The following FBXW8 variants were observed in gnomAD, a reference collection of about 807,000 sequenced individuals.
The protein encoded by FBXW8 is F-box and WD repeat domain containing 8, also known as F-box/WD repeat-containing protein 8.
In FBXW8, 57 loss-of-function variants were observed where a neutral mutation model predicts 65.3. The ratio of observed to expected loss-of-function variants is 0.87; its 90% CI spans 0.71 to 1.09. The LOEUF (loss-of-function observed/expected upper bound fraction) is 1.09, where lower values mean the gene tolerates loss of function less well. FBXW8 is among the 50% of genes least tolerant of loss of function. The pLI is 0.00. For synonymous variants in FBXW8, 308 were observed against 330.2 expected, an observed-to-expected ratio of 0.93 and a Z score of 0.73; for missense variants, 777 against 814.8, an observed-to-expected ratio of 0.95 and a Z score of 0.57.
intron 1 of FBXW8, among the ~76,000 whole-genome samples, chr12:116,926,938 T>G (rs930601378): frequency 6.6e-6 from 1 of 151,968 alleles, no homozygotes; most frequent in Non-Finnish European, 1.5e-5. Context: ...AACATTGAGG[T>G]GATTTTTTTT....
At chr12:116,924,928 T>C (rs1474032817) in intron 1 of FBXW8, among the ~76,000 whole-genome samples, 1 of 152,180 alleles carries the variant, frequency 6.6e-6, no homozygotes, top group Non-Finnish European at 1.5e-5. Context: ...GGTGGAGTGA[T>C]GTCACTCATT....
chr12:116,983,099 CT>C (rs1885434260), intron 5 of FBXW8, among the ~76,000 whole-genome samples: 1 of 152,202 alleles, frequency 6.6e-6, no homozygotes, highest in Admixed American at 6.5e-5. Flanking sequence ...ACACGAGTCT[CT>C]GAAGACTCAG....
Position 117,030,823 on chromosome 12 carries a change from GAATC to G in FBXW8, c.*2657_*2660del, listed in dbSNP as rs1954341922. The stretch of plus-strand genomic sequence containing the variant: ...TTCTACTGCAAACCTCCACATCCTG[GAATC>G]AATCACACTGACAGGGAAAGGATAA... On this transcript the variant is annotated 3_prime_UTR_variant, in exon 11 of 11. Coordinates refer to ENST00000652555, the MANE Select transcript of FBXW8 (RefSeq NM_153348.3). 6.6e-6 allele frequency: 1 copy of G among 152,158 alleles called. No homozygotes were observed. The highest frequency in any genetic ancestry group is 1.5e-5 in the Non-Finnish European group (1 of 68,040). The allele number at this position is 152,158 out of a possible 1,614,324, so 9.4% of individuals were successfully genotyped here. A position where few individuals can be genotyped will look rare whatever the true frequency, so the allele number is the denominator to read the frequency against.
rs1010594546 is a variant in FBXW8, at chr12:117,030,811, C to T, written c.*2639C>T. The T allele has an allele frequency of 6.6e-6, 1 of 152,308 alleles. No individual in the cohort carries two copies. The highest frequency in any genetic ancestry group is 1.5e-5 in the Non-Finnish European group (1 of 68,024). The allele number at this position is 152,308 out of a possible 1,614,324, so 9.4% of individuals were successfully genotyped here. A position where few individuals can be genotyped will look rare whatever the true frequency, so the allele number is the denominator to read the frequency against. ...TCAGGCAGTGTTTTCTACTGCAAAC[C>T]TCCACATCCTGGAATCAATCACACT... On this transcript the variant is annotated 3_prime_UTR_variant, in exon 11 of 11. Transcript: ENST00000652555.
intron 8 of FBXW8, among the ~76,000 whole-genome samples, chr12:117,019,175 C>G (rs1452445664): frequency 1.3e-5 from 2 of 152,238 alleles, no homozygotes; most frequent in Non-Finnish European, 2.9e-5. Context: ...AGATCCCTCA[C>G]TGGCAAGTCA....
intron 7 of FBXW8, among the ~76,000 whole-genome samples, chr12:117,002,196 G>C (rs933585456): frequency 6.6e-6 from 1 of 152,226 alleles, no homozygotes; most frequent in Non-Finnish European, 1.5e-5. Flanking sequence ...GTCCAGTCCT[G>C]GAACAGCGGG....
intron 7 of FBXW8, chr12:117,002,813 GTCTA>G (rs1341782056): frequency 5.3e-5 from 8 of 152,056 alleles, no homozygotes; most frequent in Non-Finnish European, 7.4e-5. Flanking sequence ...CTCCCCAGTT[GTCTA>G]TCTTTCTCAT....
chr12:116,983,632 A>G (rs1885465986), intron 5 of FBXW8, among the ~76,000 whole-genome samples: 2 of 152,242 alleles, frequency 1.3e-5, no homozygotes, highest in South Asian at 4.1e-4. Flanking sequence ...AAAAAGAAAG[A>G]TAGGAAGATA....
rs118100421 is a variant in FBXW8 at position 117,028,466 on chromosome 12, C to T, written c.*294C>T. On this transcript the variant is annotated 3_prime_UTR_variant, in exon 11 of 11. Transcript: ENST00000652555. The surrounding 1 kb of genome is among the most constrained non-coding windows in gnomAD (Gnocchi z 4.1). ...TCAGGACGCCTCAGGGATCTCGCTG[C>T]GCGGTCCTATACGGTCCCTGCTTAG... The T allele has an allele frequency of 0.014, 6,106 of 446,650 alleles. 119 individuals are homozygous for T. The highest frequency in any genetic ancestry group is 0.047 in the South Asian group (2,036 of 43,288). The allele number at this position is 446,650 out of a possible 1,614,324, so 27.7% of individuals were successfully genotyped here.
At chr12:116,920,360 G>A (rs1880794492) in intron 1 of FBXW8, among the ~76,000 whole-genome samples, 1 of 152,184 alleles carries the variant, frequency 6.6e-6, no homozygotes, top group Non-Finnish European at 1.5e-5. Context: ...TTTATTAAGT[G>A]TCTTCTTGGT....
At chr12:117,000,268 A>C (rs948474422) in intron 7 of FBXW8, among the ~76,000 whole-genome samples, 1 of 152,132 alleles carries the variant, frequency 6.6e-6, no homozygotes, top group African/African-American at 2.4e-5. Context: ...GAGCCACCGC[A>C]CCCAGCCTGC....
At chr12:116,983,479 C>A (rs1885456977) in intron 5 of FBXW8, among the ~76,000 whole-genome samples, 1 of 152,218 alleles carries the variant, frequency 6.6e-6, no homozygotes, top group Non-Finnish European at 1.5e-5. Flanking sequence ...CCTTAGCCTA[C>A]TGACAGTTTG....
At chr12:117,001,213 G>A (rs1035246552) in intron 7 of FBXW8, among the ~76,000 whole-genome samples, 1 of 152,222 alleles carries the variant, frequency 6.6e-6, no homozygotes, top group African/African-American at 2.4e-5. Flanking sequence ...AGTGAGTAGA[G>A]GCCGTTATGC....
intron 2 of FBXW8, among the ~76,000 whole-genome samples, chr12:116,929,906 T>G (rs1438035784): frequency 6.6e-6 from 1 of 152,244 alleles, no homozygotes; most frequent in Non-Finnish European, 1.5e-5. Flanking sequence ...CTTTTTTAGA[T>G]TCTACATTTA....
At chr12:116,941,208 C>G (rs555830028) in intron 2 of FBXW8, among the ~76,000 whole-genome samples, 2 of 152,330 alleles carry the variant, frequency 1.3e-5, no homozygotes, top group Admixed American at 1.3e-4. Flanking sequence ...GCCTGGGCCC[C>G]ATTGGCCAGG....
intron 1 of FBXW8, among the ~76,000 whole-genome samples, chr12:116,923,089 T>G (rs934249556): frequency 3.3e-5 from 5 of 152,128 alleles, no homozygotes; most frequent in Non-Finnish European, 5.9e-5. Flanking sequence ...GCCTGTAATC[T>G]CAGCTACTTG....
chr12:116,911,483 CACCA>C, intron 1 of FBXW8, 128 bp downstream of exon 1: 4 of 609,796 alleles, frequency 6.6e-6, no homozygotes, highest in African/African-American at 1.9e-5. Flanking sequence ...GACGCACAAA[CACCA>C]ATGTTTGTGC....
At chr12:116,984,259 C>T (rs1409890793) in intron 5 of FBXW8, among the ~76,000 whole-genome samples, 1 of 152,172 alleles carries the variant, frequency 6.6e-6, no homozygotes, top group African/African-American at 2.4e-5. Context: ...CTCCAGTGGA[C>T]ATCCCCAGAG....
Position 117,027,496 on chromosome 12 carries a change from T to A in FBXW8, c.1644T>A (p.Thr548=). 6.2e-7 allele frequency: 1 copy of A among 1,613,862 alleles called. No individual in the cohort carries two copies. The highest frequency in any genetic ancestry group is 8.5e-7 in the Non-Finnish European group (1 of 1,179,796). Residue 548 remains threonine (T), a synonymous_variant, in exon 10 of 11, where the codon ACT becomes ACA. Transcript: ENST00000652555. ...MRNADLDSFT[T]HRRHRGLIRA... ...ACGCCGACCTGGACAGCTTCACTAC[T>A]CACAGGAGGTTAGTGGTGGGGCCGG...
Sources: allele counts gnomAD v4.1 joint callset (sites outside exome capture counted in the v4.1 genomes callset), GRCh38; gene constraint gnomAD v4.1.1; non-coding constraint Gnocchi (gnomAD v3.1); transcripts MANE v1.5; gene names NCBI Gene and HGNC (gene_info 2026-07-23, HGNC 2026-07-21).